INTU: variants seen among roughly 807,000 people sequenced by gnomAD.
The protein encoded by INTU is protein inturned.
A neutral mutation model predicts 100.5 loss-of-function variants in INTU; 68 were observed. The observed-to-expected ratio is 0.68, with a 90% CI of 0.56 to 0.83. The LOEUF is 0.83. Ranked by LOEUF, INTU falls within the 40% of genes least tolerant of loss-of-function variation. The pLI is 0.00. For missense variants in INTU, 1,071 were observed against 1,114.7 expected (o/e 0.96, Z 0.56); for synonymous variants, 357 against 395.7 (o/e 0.90, Z 1.16).
rs181612148 is a variant in INTU at position 127,706,693 on chromosome 4, T to A, written c.1995T>A (p.Arg665=). 2 of 1,614,046 alleles carry A rather than the reference T, an allele frequency of 1.2e-6. No individual in the cohort carries two copies. Among genetic ancestry groups the A allele is most frequent in the African/African-American group, 2.7e-5 (2 of 75,012 alleles). Residue 665 remains arginine (R), a synonymous_variant, in exon 12 of 16, where the codon CGT becomes CGA. Coordinates refer to ENST00000335251, the MANE Select transcript of INTU (RefSeq NM_015693.4). ...SCADWFLTGS[R]EKTDSLTTSP... ...CTGACTGGTTCCTTACTGGATCACGTGAAAAAACAGATAGCTTGACCACTT... is the reference window on the plus strand; with the variant it reads ...CTGACTGGTTCCTTACTGGATCACGAGAAAAAACAGATAGCTTGACCACTT...
intron 1 of INTU, among the ~76,000 whole-genome samples, chr4:127,642,245 A>G (rs750067797): frequency 2.6e-5 from 4 of 152,180 alleles, no homozygotes; most frequent in African/African-American, 4.8e-5. Flanking sequence ...ATAATCTGCA[A>G]TAAGTGAGGC....
At chr4:127,702,039 A>G (rs1278056536) in intron 9 of INTU, among the ~76,000 whole-genome samples, 4 of 152,208 alleles carry the variant, frequency 2.6e-5, no homozygotes, top group African/African-American at 9.6e-5. Flanking sequence ...TCAGATCTAA[A>G]GTATTAAAAT....
At chr4:127,640,602 AAC>A (rs1727288765) in intron 1 of INTU, among the ~76,000 whole-genome samples, 1 of 91,426 alleles carries the variant, frequency 1.1e-5, no homozygotes, top group African/African-American at 4.5e-5. Context: ...CATATACATA[AAC>A]ACACATGTGT....
Position 127,706,720 on chromosome 4 carries a change from G to A in INTU, c.2022G>A (p.Ser674=), listed in dbSNP as rs147052791. The A allele has an allele frequency of 7.3e-5, 118 of 1,614,042 alleles. No homozygotes were observed. Among genetic ancestry groups the A allele is most frequent in the Middle Eastern group, 1.7e-4 (1 of 6,058 alleles). The part of the protein sequence containing the change: ...SREKTDSLTT[S]PILSRLQGTS... ...AAAAAACAGATAGCTTGACCACTTC[G>A]CCTATTCTCAGTAGGCTACAAGGTA... Residue 674 remains serine, a synonymous_variant, in exon 12 of 16, where the codon TCG becomes TCA. Transcript: ENST00000335251.
At chr4:127,694,950 C>G (rs902288575) in intron 8 of INTU, among the ~76,000 whole-genome samples, 7 of 152,142 alleles carry the variant, frequency 4.6e-5, no homozygotes, top group Non-Finnish European at 8.8e-5. Context: ...AGTCCCCAGA[C>G]TTTGTTCTCC....
intron 15 of INTU, among the ~76,000 whole-genome samples, chr4:127,715,875 T>C (rs898859403): frequency 1.3e-5 from 2 of 152,198 alleles, no homozygotes; most frequent in Admixed American, 1.3e-4. Flanking sequence ...ATTTTAACTC[T>C]TTAAGAAAAC....
intron 1 of INTU, among the ~76,000 whole-genome samples, chr4:127,641,014 TC>T (rs1727307845): frequency 3.3e-5 from 1 of 30,006 alleles, no homozygotes; most frequent in Non-Finnish European, 6.1e-5. Context: ...CATGAATCCC[TC>T]TCTCTCTCTC....
intron 13 of INTU, 89 bp from the exon 14 acceptor site, chr4:127,710,824 T>C (rs965574957): frequency 1.4e-6 from 1 of 718,962 alleles, no homozygotes; most frequent in Non-Finnish European, 2.1e-6. Context: ...TAAAAGCTTA[T>C]AAGAAGTCTA....
Position 127,717,262 on chromosome 4 carries a change from G to A in INTU, c.*826G>A, listed in dbSNP as rs907530707. 1.3e-5 allele frequency: 2 copies of A among 152,150 alleles called. No individual in the cohort carries two copies. Among genetic ancestry groups the A allele is most frequent in the Admixed American group, 6.5e-5 (1 of 15,276 alleles). 9.4% of individuals were successfully genotyped at this position (152,150 alleles called of 1,614,324 possible). On this transcript the variant is annotated 3_prime_UTR_variant, in exon 16 of 16. Transcript: ENST00000335251. ...TGTTTGGTTTTCTGTTCCTGCATTAGTTTGCTGAGGATAATGGCTTCCAGC... is the reference window on the plus strand; with the variant it reads ...TGTTTGGTTTTCTGTTCCTGCATTAATTTGCTGAGGATAATGGCTTCCAGC...
At chr4:127,646,913 CT>C (rs1727619889) in intron 2 of INTU, among the ~76,000 whole-genome samples, 1 of 152,164 alleles carries the variant, frequency 6.6e-6, no homozygotes, top group Non-Finnish European at 1.5e-5. Context: ...ATAGTAACTG[CT>C]TTTCAAAAAC....
chr4:127,704,498 C>T (rs1414215467), intron 10 of INTU, among the ~76,000 whole-genome samples: 1 of 152,160 alleles, frequency 6.6e-6, no homozygotes, highest in Non-Finnish European at 1.5e-5. Context: ...CTGCAACCTC[C>T]AATTTCTGGG....
At chr4:127,640,538 G>GATATATATATAT (rs1560825535) in intron 1 of INTU, among the ~76,000 whole-genome samples, 1 of 70,372 alleles carries the variant, frequency 1.4e-5, no homozygotes, top group African/African-American at 6.6e-5. Flanking sequence ...TTTGGGTAAA[G>GATATATATATAT]ATACATATAT....
At chr4:127,642,976 G>A (rs1260772554) in intron 1 of INTU, among the ~76,000 whole-genome samples, 1 of 152,080 alleles carries the variant, frequency 6.6e-6, no homozygotes, top group East Asian at 1.9e-4. Context: ...AGTTCATGGT[G>A]AAGTGAATGT....
Position 127,633,154 on chromosome 4 carries a change from A to G in INTU, c.120A>G (p.Ser40=), listed in dbSNP as rs1233862869. The change falls in exon 1 of 16, where the codon TCA becomes TCG. Residue 40 remains serine, a synonymous_variant. Transcript: ENST00000335251. The part of the protein sequence containing the change: ...DFEDRVSDSG[S]YSSASSDYDD... ...AAGATCGGGTCAGCGACTCGGGTTCATATTCCTCAGCGAGTAGCGATTATG... is the reference window on the plus strand; with the variant it reads ...AAGATCGGGTCAGCGACTCGGGTTCGTATTCCTCAGCGAGTAGCGATTATG... 1 of 1,613,872 alleles carries G rather than the reference A, an allele frequency of 6.2e-7. No individual in the cohort carries two copies. The highest frequency in any genetic ancestry group is 8.5e-7 in the Non-Finnish European group (1 of 1,179,868).
intron 8 of INTU, among the ~76,000 whole-genome samples, chr4:127,688,667 A>G (rs1729947852): frequency 6.6e-6 from 1 of 152,228 alleles, no homozygotes; most frequent in Non-Finnish European, 1.5e-5. Context: ...TTGATGTATC[A>G]ATCACTTTGC....
rs565015067 is a variant in INTU, at chr4:127,687,830, C to T, written c.1412C>T (p.Pro471Leu). 34 of 1,599,772 alleles carry T rather than the reference C, an allele frequency of 2.1e-5. No individual in the cohort carries two copies. In the East Asian group the frequency reaches 7.2e-4, roughly 34 times the overall value. The change falls in exon 8 of 16, where the codon CCT becomes CTT. Residue 471 changes from proline (P) to leucine (L), a missense_variant. Pro to Leu is a moderately conservative substitution (Grantham distance 98). Coordinates refer to ENST00000335251, the MANE Select transcript of INTU (RefSeq NM_015693.4). ...AGTGCAGTACTTTTAGACAACCTCC[C>T]TGGAGTCCGGTGGCTCACACTTCCA... Reference protein sequence around the residue: ...ASSAVLLDNLPGVRWLTLPLE... With the variant: ...ASSAVLLDNLLGVRWLTLPLE...
chr4:127,708,493 A>T, intron 12 of INTU, 78 bp from the exon 13 acceptor site: 1 of 729,064 alleles, frequency 1.4e-6, no homozygotes, highest in Non-Finnish European at 2.3e-6. Flanking sequence ...CCTCAGAAGG[A>T]TGTTTAATTT....
Position 127,716,433 on chromosome 4 carries a change from G to A in INTU, c.2826G>A (p.Leu942=). The A allele has an allele frequency of 6.6e-7, 1 of 1,515,664 alleles. No individual in the cohort carries two copies. The highest frequency in any genetic ancestry group is 9.0e-7 in the Non-Finnish European group (1 of 1,110,804). 93.9% of individuals were successfully genotyped at this position (1,515,664 alleles called of 1,614,324 possible). ...TTAAATTGTTCTTTGGGTTAACCTT[G>A]TAGCTGTGCTTTCTTGATGCGTAGA... is the stretch of plus-strand genomic sequence containing the variant. The part of the protein sequence containing the change: ...IAFKLFFGLT[L] Residue 942 remains leucine, a synonymous_variant, in exon 16 of 16, where the codon TTG becomes TTA. Transcript: ENST00000335251.
chr4:127,647,906 A>G (rs995124246), intron 2 of INTU, among the ~76,000 whole-genome samples: 3 of 151,850 alleles, frequency 2.0e-5, no homozygotes, highest in African/African-American at 7.3e-5. Flanking sequence ...TTTTGCATAT[A>G]TATTTTCATA....
Sources: allele counts gnomAD v4.1 joint callset (sites outside exome capture counted in the v4.1 genomes callset), GRCh38; gene constraint gnomAD v4.1.1; transcripts MANE v1.5; gene names NCBI Gene and HGNC (gene_info 2026-07-23, HGNC 2026-07-21).